Variants in PLPPR5 observed in about 807,000 individuals in gnomAD.
PLPPR5 encodes phospholipid phosphatase-related protein type 5.
In PLPPR5, 16 loss-of-function variants were observed where a neutral mutation model predicts 33.9. That is an observed-to-expected ratio of 0.47 (90% CI 0.32 to 0.72). The LOEUF (loss-of-function observed/expected upper bound fraction) is 0.72, where lower values mean the gene tolerates loss of function less well. Among genes scored for constraint, PLPPR5 ranks in the 30% least tolerant of loss-of-function variants. The pLI is 0.03. For missense variants in PLPPR5, 301 were observed against 406.7 expected, an observed-to-expected ratio of 0.74 and a Z score of 2.23; for synonymous variants, 163 against 150.3, an observed-to-expected ratio of 1.08 and a Z score of -0.62.
At chr1:98,931,299 A>ATGT (rs1553167933) in intron 3 of PLPPR5, among the ~76,000 whole-genome samples, 1 of 151,212 alleles carries the variant, frequency 6.6e-6, no homozygotes, top group Non-Finnish European at 1.5e-5. Flanking sequence ...GCTAATCATA[A>ATGT]TAAAATTTCA....
At chr1:98,921,801 G>C in intron 4 of PLPPR5, 81 bp downstream of exon 4, 1 of 1,143,518 alleles carries the variant, frequency 8.7e-7, no homozygotes, top group South Asian at 1.5e-5. Context: ...GACAAACCCA[G>C]TGATTCACAC....
At position 98,961,450 on chromosome 1, in the gene PLPPR5, G is replaced by A. The variant is rs1651246663; in HGVS notation, c.238-4709C>T. ...CTTGAAGGCAGAGGCACAGTAGGTA[G>A]CACTTGGTAAATGTTAACCACTGTC... On this transcript the variant is annotated intron_variant, in intron 1 of 5. Coordinates refer to ENST00000263177, the MANE Select transcript of PLPPR5 (RefSeq NM_001037317.2). 3.9e-5 allele frequency among the ~76,000 whole-genome samples: 6 copies of A among 152,170 alleles called. No homozygotes were observed. The South Asian group carries it at 1.2e-3, about 32-fold the overall frequency.
chr1:99,004,032 C>T lies in PLPPR5; in HGVS notation c.237+403G>A, dbSNP rs191048198. Among the ~76,000 whole-genome samples, 845 of 152,320 alleles carry T rather than the reference C, an allele frequency of 5.5e-3. 6 individuals carry two copies. The highest frequency in any genetic ancestry group is 9.3e-3 in the Non-Finnish European group (634 of 68,028). On this transcript the variant is annotated intron_variant, in intron 1 of 5. Coordinates refer to ENST00000263177, the MANE Select transcript of PLPPR5 (RefSeq NM_001037317.2). ...ATCCCCTCTCTCCTCGCCGGCCCGC[C>T]CGCCGCTGCTCTTCTTCCAGGCACA...
intron 1 of PLPPR5, among the ~76,000 whole-genome samples, chr1:98,988,328 A>G (rs1451323661): frequency 6.6e-6 from 1 of 152,156 alleles, no homozygotes; most frequent in Non-Finnish European, 1.5e-5. Context: ...CCTATGTTGT[A>G]AACAAATTGG....
chr1:98,970,265 A>G (rs1368531781), intron 1 of PLPPR5, among the ~76,000 whole-genome samples: 3 of 152,082 alleles, frequency 2.0e-5, no homozygotes, highest in Admixed American at 6.6e-5. Flanking sequence ...AAATAAATGA[A>G]TGAGTCTTGG....
At chr1:98,896,407 G>C (rs149986074) in intron 5 of PLPPR5, among the ~76,000 whole-genome samples, 13 of 152,184 alleles carry the variant, frequency 8.5e-5, no homozygotes, top group African/African-American at 2.9e-4. Flanking sequence ...GTAGATGATA[G>C]TGCAAAAAAG....
At chr1:98,983,070 G>A (rs1434324022) in intron 1 of PLPPR5, among the ~76,000 whole-genome samples, 1 of 138,512 alleles carries the variant, frequency 7.2e-6, no homozygotes, top group Non-Finnish European at 1.5e-5. Context: ...GCTTATTACT[G>A]CAGAGGGCAT....
intron 3 of PLPPR5, among the ~76,000 whole-genome samples, chr1:98,933,193 TAAAA>T (rs879430958): frequency 5.6e-4 from 81 of 143,868 alleles, no homozygotes; most frequent in African/African-American, 1.5e-3. Flanking sequence ...GAGGGCTTTT[TAAAA>T]AAAAAAAAAA....
intron 5 of PLPPR5, among the ~76,000 whole-genome samples, chr1:98,910,506 C>T (rs920713712): frequency 2.0e-5 from 3 of 152,120 alleles, no homozygotes; most frequent in Non-Finnish European, 4.4e-5. Context: ...ATAAAGACAT[C>T]ACCAAACTTC....
intron 1 of PLPPR5, among the ~76,000 whole-genome samples, chr1:98,980,303 T>G (rs11584056): frequency 6.6e-6 from 1 of 152,078 alleles, no homozygotes; most frequent in South Asian, 2.1e-4. Flanking sequence ...AACTTTTATG[T>G]GTTTTCTCTT....
chr1:99,004,350 C>T (rs1652983488), intron 1 of PLPPR5, 85 bp downstream of exon 1: 3 of 1,204,588 alleles, frequency 2.5e-6, no homozygotes, highest in South Asian at 1.5e-5. Context: ...ACCTACTGCG[C>T]CCCAACCCTT....
At chr1:98,908,329 C>T (rs1321291609) in intron 5 of PLPPR5, among the ~76,000 whole-genome samples, 2 of 152,114 alleles carry the variant, frequency 1.3e-5, no homozygotes, top group Non-Finnish European at 2.9e-5. Context: ...AAAAAATTTA[C>T]TGTAGTTTTC....
intron 2 of PLPPR5, 122 bp from the exon 3 acceptor site, chr1:98,953,442 A>C (rs1650875464): frequency 7.3e-7 from 1 of 1,376,584 alleles, no homozygotes; most frequent in Admixed American, 2.4e-5. Flanking sequence ...TAGAAACTAT[A>C]AAATATTCCA....
At chr1:98,968,076 C>T (rs1362645723) in intron 1 of PLPPR5, among the ~76,000 whole-genome samples, 1 of 152,018 alleles carries the variant, frequency 6.6e-6, no homozygotes, top group Non-Finnish European at 1.5e-5. Flanking sequence ...CTGGTGAAAC[C>T]ATTAACAAAC....
At chr1:98,907,953 C>G (rs1051915876) in intron 5 of PLPPR5, among the ~76,000 whole-genome samples, 1 of 152,138 alleles carries the variant, frequency 6.6e-6, no homozygotes, top group Non-Finnish European at 1.5e-5. Context: ...TGTGGGGTAC[C>G]TATCCAGTTC....
rs543682460 is a variant in PLPPR5 at position 98,998,786 on chromosome 1, ATAAT to A, written c.237+5645_237+5648del. On this transcript the variant is annotated intron_variant, in intron 1 of 5. Transcript: ENST00000263177. ...AAATTGATTACATTAATGAATTTAA[ATAAT>A]TAGAGTCTGACATACAGTAATCTCA... Among the ~76,000 whole-genome samples the A allele has an allele frequency of 1.2e-4, 19 of 152,310 alleles. No individual in the cohort carries two copies. In the East Asian group the frequency reaches 3.5e-3, roughly 28 times the overall value.
chr1:98,920,021 TATA>T (rs2101158879), intron 4 of PLPPR5, among the ~76,000 whole-genome samples: 1 of 152,264 alleles, frequency 6.6e-6, no homozygotes, highest in East Asian at 1.9e-4. Context: ...AGTTTTTACA[TATA>T]ATCCTTTCAT....
chr1:98,943,439 T>C lies in PLPPR5; in HGVS notation c.621+9631A>G, dbSNP rs551745392. On this transcript the variant is annotated intron_variant, in intron 3 of 5. Transcript: ENST00000263177. ...CAGGGTCTGTGTAGACAATGATACA[T>C]GGAGACCTGAATTAGTGTCATCACG... Among the ~76,000 whole-genome samples, 7 of 152,270 alleles carry C rather than the reference T, an allele frequency of 4.6e-5. No homozygotes were observed. In the South Asian group the frequency reaches 1.4e-3, roughly 32 times the overall value.
chr1:98,912,484 T>C (rs1228179542), intron 5 of PLPPR5, among the ~76,000 whole-genome samples: 1 of 152,178 alleles, frequency 6.6e-6, no homozygotes, highest in Admixed American at 6.5e-5. Context: ...AGTCATTACC[T>C]TTTTCATTTG....
Sources: gnomAD v4.1 joint callset for allele counts (sites outside exome capture counted in the v4.1 genomes callset) on GRCh38, gnomAD v4.1.1 for gene constraint, MANE v1.5 for transcripts, NCBI Gene and HGNC (gene_info 2026-07-23, HGNC 2026-07-21) for gene names.